The following DNAH14 variants were observed in gnomAD, a reference collection of about 807,000 sequenced individuals.
The protein encoded by DNAH14 is axonemal beta dynein heavy chain 14.
Under a neutral mutation model 520.9 loss-of-function variants are expected in DNAH14, and 478 were observed. That is an observed-to-expected ratio of 0.92 (90% CI 0.85 to 0.99). DNAH14 has a LOEUF of 0.99. Ranked by LOEUF, DNAH14 falls within the 50% of genes least tolerant of loss-of-function variation. The pLI is 0.00. For missense variants in DNAH14, 4,831 were observed against 5,234.5 expected (o/e 0.92, Z 2.38); for synonymous variants, 1,581 against 1,757.2 (o/e 0.90, Z 2.51).
chr1:225,202,874 C>T (rs2087043275), intron 38 of DNAH14, among the ~76,000 whole-genome samples: 1 of 152,200 alleles, frequency 6.6e-6, no homozygotes, highest in Admixed American at 6.5e-5. Flanking sequence ...CCTGCTGCTT[C>T]CTCTACCCCT....
Position 225,097,257 on chromosome 1 carries a change from T to C in DNAH14, c.3695+18T>C. 1 of 1,536,612 alleles carries C rather than the reference T, an allele frequency of 6.5e-7. No individual in the cohort carries two copies. Among genetic ancestry groups the C allele is most frequent in the Non-Finnish European group, 8.8e-7 (1 of 1,140,278 alleles). Reference sequence around the variant, plus strand: ...ATACGAAGGTAAAATACCTAAAATATACCATATACAGGTTCAAAATGCATT... The same window carrying C: ...ATACGAAGGTAAAATACCTAAAATACACCATATACAGGTTCAAAATGCATT... On this transcript the variant is annotated intron_variant, in intron 22 of 85. Transcript: ENST00000682510.
intron 43 of DNAH14, among the ~76,000 whole-genome samples, chr1:225,242,865 A>G (rs896126953): frequency 2.6e-5 from 4 of 152,210 alleles, no homozygotes; most frequent in African/African-American, 9.6e-5. Context: ...TGTTACGATG[A>G]CTATGATGTC....
At chr1:224,980,509 G>A (rs754984429) in intron 8 of DNAH14, among the ~76,000 whole-genome samples, 1 of 152,194 alleles carries the variant, frequency 6.6e-6, no homozygotes, top group Non-Finnish European at 1.5e-5. Context: ...ACTCCAATCC[G>A]TGGCTCCCAG....
In DNAH14 at chr1:225,358,587, T is replaced by C; in HGVS notation, c.11711T>C (p.Val3904Ala). ...MGNKYLQRTG[V>A]NLKDAYKGSN... ...AATAAGTATCTTCAAAGAACTGGAG[T>C]TAATTTGAAAGATGCATATAAAGGA... Residue 3904 changes from valine to alanine, a missense_variant, in exon 74 of 86, where the codon GTT becomes GCT. Coordinates refer to ENST00000682510, the MANE Select transcript of DNAH14 (RefSeq NM_001367479.1). 1 of 1,548,526 alleles carries C rather than the reference T, an allele frequency of 6.5e-7. No individual in the cohort carries two copies. Among genetic ancestry groups the C allele is most frequent in the Non-Finnish European group, 8.7e-7 (1 of 1,145,752 alleles).
intron 81 of DNAH14, among the ~76,000 whole-genome samples, chr1:225,387,164 AC>A (rs2095850720): frequency 6.7e-6 from 1 of 150,192 alleles, no homozygotes; most frequent in East Asian, 2.0e-4. Flanking sequence ...GCATATTCTC[AC>A]TCATAGGTGG....
intron 41 of DNAH14, among the ~76,000 whole-genome samples, chr1:225,215,970 G>T (rs1285794103): frequency 6.6e-6 from 1 of 152,180 alleles, no homozygotes; most frequent in Non-Finnish European, 1.5e-5. Context: ...CTCGTTAGTT[G>T]ATGCAGTTTC....
chr1:225,376,225 G>A (rs180842087), intron 78 of DNAH14, among the ~76,000 whole-genome samples: 15 of 152,220 alleles, frequency 9.9e-5, no homozygotes, highest in Middle Eastern at 3.4e-3. Context: ...TCAGGAGTTC[G>A]AGACCAGCCT....
Position 225,079,371 on chromosome 1 carries a change from C to A in DNAH14, c.2589C>A (p.Ile863=), listed in dbSNP as rs1190647490. ...ATTCTGTTGCAAAGCATCACCAGAT[C>A]CATATTTCAGAAGAGCAAATTGCCA... The part of the protein sequence containing the change: ...QLYSVAKHHQ[I]HISEEQIAIF... Residue 863 remains isoleucine (I), a synonymous_variant, in exon 18 of 86, where the codon ATC becomes ATA. Coordinates refer to ENST00000682510, the MANE Select transcript of DNAH14 (RefSeq NM_001367479.1). 3 of 1,550,666 alleles carry A rather than the reference C, an allele frequency of 1.9e-6. No individual in the cohort carries two copies. The highest frequency in any genetic ancestry group is 1.4e-5 in the African/African-American group (1 of 72,934).
At chr1:225,184,262 G>A (rs1485491907) in intron 36 of DNAH14, among the ~76,000 whole-genome samples, 1 of 152,156 alleles carries the variant, frequency 6.6e-6, no homozygotes, top group Admixed American at 6.6e-5. Flanking sequence ...TGATTCCTGG[G>A]ATGCAAAGTT....
At position 225,051,650 on chromosome 1, in the gene DNAH14, T is replaced by A. The variant is rs776707011; in HGVS notation, c.2279T>A (p.Met760Lys). 4 of 1,551,138 alleles carry A rather than the reference T, an allele frequency of 2.6e-6. No homozygotes were observed. The highest frequency in any genetic ancestry group is 3.5e-6 in the Non-Finnish European group (4 of 1,146,664). Residue 760 changes from methionine to lysine, a missense_variant, in exon 17 of 86, where the codon ATG becomes AAG. Transcript: ENST00000682510. ...FRNYFRHIVN[M>K]AIEKRIGIFN... ...AACTATTTTAGACATATTGTGAATA[T>A]GGCCATTGAGAAGCGTATTGGTATT...
intron 38 of DNAH14, among the ~76,000 whole-genome samples, chr1:225,196,548 G>A (rs1185371235): frequency 6.6e-6 from 1 of 152,088 alleles, no homozygotes; most frequent in Non-Finnish European, 1.5e-5. Flanking sequence ...TGGGATTGCT[G>A]GATCAAATGG....
chr1:225,096,436 C>G (rs560531597), intron 21 of DNAH14, among the ~76,000 whole-genome samples: 1 of 152,008 alleles, frequency 6.6e-6, no homozygotes, highest in Non-Finnish European at 1.5e-5. Flanking sequence ...CCATGAGGAA[C>G]CAGAGAGTTA....
chr1:225,128,376 T>C (rs2077998354), intron 27 of DNAH14, among the ~76,000 whole-genome samples: 1 of 152,132 alleles, frequency 6.6e-6, no homozygotes, highest in Non-Finnish European at 1.5e-5. Context: ...AAGAGAATTT[T>C]AGACCAATAT....
At chr1:225,369,596 G>T (rs187940571) in intron 77 of DNAH14, among the ~76,000 whole-genome samples, 76 of 151,954 alleles carry the variant, frequency 5.0e-4, no homozygotes, top group Non-Finnish European at 9.3e-4. Context: ...ATCAGGATTG[G>T]ACAGCTCTAA....
intron 19 of DNAH14, among the ~76,000 whole-genome samples, chr1:225,081,592 T>G (rs2073130439): frequency 6.6e-6 from 1 of 152,180 alleles, no homozygotes; most frequent in South Asian, 2.1e-4. Flanking sequence ...TGGCAAAAAC[T>G]AAAGTTACAC....
At chr1:224,955,160 G>T (rs2060431619) in intron 3 of DNAH14, 62 bp downstream of exon 3, 1 of 1,526,064 alleles carries the variant, frequency 6.6e-7, no homozygotes, top group Non-Finnish European at 8.9e-7. Flanking sequence ...GAAATTGAAA[G>T]AAATTTTTCA....
At chr1:225,029,940 T>G (rs2066410128) in intron 11 of DNAH14, among the ~76,000 whole-genome samples, 2 of 151,986 alleles carry the variant, frequency 1.3e-5, no homozygotes, top group African/African-American at 4.8e-5. Flanking sequence ...AAATCATCAT[T>G]GCAACCCATG....
At chr1:225,340,853 C>T (rs1258174300) in intron 69 of DNAH14, among the ~76,000 whole-genome samples, 152 bp downstream of exon 69, 1 of 152,196 alleles carries the variant, frequency 6.6e-6, no homozygotes, top group African/African-American at 2.4e-5. Context: ...CATTTCTAAA[C>T]TTAAATATTG....
At chr1:224,943,013 C>A (rs2059533629) in intron 1 of DNAH14, among the ~76,000 whole-genome samples, 1 of 152,176 alleles carries the variant, frequency 6.6e-6, no homozygotes, top group South Asian at 2.1e-4. Context: ...ATGATGCTGG[C>A]CTCATAAAAT....
Sources: allele counts gnomAD v4.1 joint callset (sites outside exome capture counted in the v4.1 genomes callset), GRCh38; gene constraint gnomAD v4.1.1; transcripts MANE v1.5; gene names NCBI Gene and HGNC (gene_info 2026-07-23, HGNC 2026-07-21).